Variants in FGFR3 observed in about 807,000 individuals in gnomAD.
FGFR3 encodes FGFR-3.
In FGFR3, 25 loss-of-function variants were observed where a neutral mutation model predicts 82.9. The ratio of observed to expected loss-of-function variants is 0.30; its 90% CI spans 0.22 to 0.42. FGFR3 has a LOEUF of 0.42. Among genes scored for constraint, FGFR3 ranks in the 10% least tolerant of loss-of-function variants. The probability of loss-of-function intolerance (pLI) is 1.00; values close to 1 mark genes in which losing one functional copy is unlikely to be tolerated. For missense variants in FGFR3, 1,026 were observed against 1,161.0 expected (o/e 0.88, Z 1.69); for synonymous variants, 620 against 516.0 (o/e 1.20, Z -2.73).
chr4:1,803,665 G>A (rs368707194), intron 7 of FGFR3, 27 bp from the exon 8 acceptor site: 55 of 1,610,634 alleles, frequency 3.4e-5, no homozygotes, highest in African/African-American at 6.7e-5. Context: ...GCTGGCGCTC[G>A]CCTATCGCTC....
Position 1,799,774 on chromosome 4 carries a change from A to T in FGFR3, c.407A>T (p.Asp136Val). 1 of 1,612,984 alleles carries T rather than the reference A, an allele frequency of 6.2e-7. No individual in the cohort carries two copies. Among genetic ancestry groups the T allele is most frequent in the Middle Eastern group, 1.6e-4 (1 of 6,062 alleles). The stretch of plus-strand genomic sequence containing the variant: ...GCTCCATCCTCGGGAGATGACGAAG[A>T]CGGGGAGGACGAGGCTGAGGACACA... ...TDAPSSGDDE[D>V]GEDEAEDTGV... The change falls in exon 4 of 18, where the codon GAC (aspartate) becomes GTC (valine). Residue 136 changes from aspartate (D) to valine (V), a missense_variant. Asp to Val is a radical substitution (Grantham distance 152). Coordinates refer to ENST00000440486, the MANE Select transcript of FGFR3 (RefSeq NM_000142.5).
intron 2 of FGFR3, among the ~76,000 whole-genome samples, chr4:1,795,084 C>T (rs1033588777): frequency 6.6e-6 from 1 of 151,724 alleles, no homozygotes. Context: ...CCCCTTTCTC[C>T]GTCGGCGGCT....
intron 2 of FGFR3, among the ~76,000 whole-genome samples, chr4:1,798,228 C>T (rs1286294229): frequency 1.3e-5 from 2 of 152,030 alleles, no homozygotes; most frequent in South Asian, 2.1e-4. Flanking sequence ...GCCCCCACCC[C>T]AGCTTCTCAG....
chr4:1,806,015 G>A (rs1721866678), intron 13 of FGFR3, 36 bp from the exon 14 acceptor site: 3 of 1,612,696 alleles, frequency 1.9e-6, no homozygotes, highest in Non-Finnish European at 2.5e-6. Context: ...GGGAGAGGTG[G>A]AGAGGCTTCA....
At chr4:1,798,328 T>G (rs1408834998) in intron 2 of FGFR3, among the ~76,000 whole-genome samples, 2 of 151,480 alleles carry the variant, frequency 1.3e-5, no homozygotes. Context: ...GGGGCCCCAG[T>G]CCCCCTGCAG....
In FGFR3 at chr4:1,806,402, C is replaced by T. The variant is rs1721923531; in HGVS notation, c.2030+75C>T. ...CAGAGCCAGGACCCCAGCTGCAGTC[C>T]CCAGGCCTGTGCCCTGGAGCTCCTG... On this transcript the variant is annotated intron_variant, in intron 15 of 17. Transcript: ENST00000440486. 11 of 1,600,378 alleles carry T rather than the reference C, an allele frequency of 6.9e-6. No individual in the cohort carries two copies. The East Asian group carries it at 8.9e-5, about 13-fold the overall frequency.
At chr4:1,802,132 C>T (rs1721272494) in intron 7 of FGFR3, 107 bp downstream of exon 7, 1 of 1,239,048 alleles carries the variant, frequency 8.1e-7, no homozygotes, top group Non-Finnish European at 1.1e-6. Flanking sequence ...GGGGTTGGAG[C>T]TTCGGGGGCA....
chr4:1,802,896 G>A (rs778937929), intron 7 of FGFR3: 2 of 1,578,470 alleles, frequency 1.3e-6, no homozygotes, highest in Non-Finnish European at 1.7e-6. Flanking sequence ...GCCTGAGCCG[G>A]GTCTCTTGTC....
chr4:1,803,120 CCG>C, intron 7 of FGFR3: 1 of 1,470,958 alleles, frequency 6.8e-7, no homozygotes. Context: ...AAGGCCCTGG[CCG>C]CGCGCCCTGC....
At chr4:1,806,719 G>A (rs756308807) in intron 16 of FGFR3, 36 bp downstream of exon 16, 2 of 1,610,028 alleles carry the variant, frequency 1.2e-6, no homozygotes, top group Non-Finnish European at 1.7e-6. Context: ...TGGGTCCTCA[G>A]GGGTGGGGGT....
chr4:1,800,551 A>T (rs3135872), intron 4 of FGFR3, among the ~76,000 whole-genome samples: 2 of 151,564 alleles, frequency 1.3e-5, no homozygotes, highest in South Asian at 4.2e-4. Flanking sequence ...GGGGGAACTC[A>T]CCCTGGGGGT....
In FGFR3 at chr4:1,799,755, T is replaced by A; in HGVS notation, c.388T>A (p.Ser130Thr). 1 of 1,612,954 alleles carries A rather than the reference T, an allele frequency of 6.2e-7. No individual in the cohort carries two copies. Among genetic ancestry groups the A allele is most frequent in the Non-Finnish European group, 8.5e-7 (1 of 1,179,932 alleles). The change falls in exon 4 of 18, where the codon TCC becomes ACC. Residue 130 changes from serine to threonine, a missense_variant. By Grantham distance (58) the Ser-to-Thr change is moderately conservative (BLOSUM62 1). Transcript: ENST00000440486. ...CCATCTCTGCCTTGCAGACGCTCCA[T>A]CCTCGGGAGATGACGAAGACGGGGA... ...HFSVRVTDAPSSGDDEDGEDE... is the reference protein window; with the variant it reads ...HFSVRVTDAPTSGDDEDGEDE...
Position 1,807,772 on chromosome 4 carries a change from C to G in FGFR3, c.*510C>G. On this transcript the variant is annotated 3_prime_UTR_variant, in exon 18 of 18. Transcript: ENST00000440486. ...TCCCCACCTCCAGGCTTTCCCACTT[C>G]CCACCCTGCCCCTCAGAGACTGAAA... 1.8e-6 allele frequency: 1 copy of G among 547,844 alleles called. No homozygotes were observed. Among genetic ancestry groups the G allele is most frequent in the Middle Eastern group, 3.1e-4 (1 of 3,222 alleles). The allele number at this position is 547,844 out of a possible 1,614,324, so 33.9% of individuals were successfully genotyped here.
rs772623020 is a variant in FGFR3, at chr4:1,806,931, C to T, written c.2271C>T (p.Thr757=). The T allele has an allele frequency of 3.3e-5, 53 of 1,603,288 alleles. No individual in the cohort carries two copies. The highest frequency in any genetic ancestry group is 1.6e-4 in the Middle Eastern group (1 of 6,070). Residue 757 remains threonine, a synonymous_variant, in exon 17 of 18, where the codon ACC becomes ACT. Transcript: ENST00000440486. ...DLDRVLTVTS[T]DEYLDLSAPF... is the part of the protein sequence containing the mutation. The stretch of plus-strand genomic sequence containing the variant: ...ACCGTGTCCTTACCGTGACGTCCAC[C>T]GACGTGAGTGCTGGCTCTGGCCTGG...
chr4:1,802,886 G>A (rs1721369962), intron 7 of FGFR3: 1 of 1,570,526 alleles, frequency 6.4e-7, no homozygotes, highest in Non-Finnish European at 8.6e-7. Flanking sequence ...TCGGGGGCGT[G>A]CCTGAGCCGG....
rs1351116736 is a variant in FGFR3 at position 1,805,373 on chromosome 4, C to T, written c.1431C>T (p.Pro477=). Residue 477 remains proline, a synonymous_variant, in exon 11 of 18, where the codon CCC becomes CCT. Coordinates refer to ENST00000440486, the MANE Select transcript of FGFR3 (RefSeq NM_000142.5). ...LSRARLTLGK[P]LGEGCFGQVV... is the part of the protein sequence containing the mutation. ...CTGCCAGGCTGACCCTGGGCAAGCCCCTTGGGGAGGGCTGCTTCGGCCAGG... is the reference window on the plus strand; with the variant it reads ...CTGCCAGGCTGACCCTGGGCAAGCCTCTTGGGGAGGGCTGCTTCGGCCAGG... 6.2e-6 allele frequency: 10 copies of T among 1,612,164 alleles called. No individual in the cohort carries two copies. Among genetic ancestry groups the T allele is most frequent in the Non-Finnish European group, 8.5e-6 (10 of 1,179,866 alleles).
At position 1,805,574 on chromosome 4, in the gene FGFR3, A is replaced by G. The variant is rs139707740; in HGVS notation, c.1550A>G (p.Lys517Arg). The change falls in exon 12 of 18, where the codon AAG becomes AGG. Residue 517 changes from lysine to arginine, a missense_variant. By Grantham distance (26) the Lys-to-Arg change is conservative. Coordinates refer to ENST00000440486, the MANE Select transcript of FGFR3 (RefSeq NM_000142.5). ...CCGTGCACAGACGATGCCACTGACAAGGACCTGTCGGACCTGGTGTCTGAG... is the reference window on the plus strand; with the variant it reads ...CCGTGCACAGACGATGCCACTGACAGGGACCTGTCGGACCTGGTGTCTGAG... ...VKMLKDDATD[K>R]DLSDLVSEME... is the part of the protein sequence containing the mutation. The G allele has an allele frequency of 5.7e-5, 92 of 1,613,114 alleles. No homozygotes were observed. The African/African-American group carries it at 7.2e-4, about 13-fold the overall frequency.
chr4:1,801,753 C>T lies in FGFR3; in HGVS notation c.739+10C>T, dbSNP rs1318948917. The stretch of plus-strand genomic sequence containing the variant: ...ACGCTGGACGTGCTGGGTGAGGGCC[C>T]TGGGGCGGCGCGGGGGTGGGGGCGG... On this transcript the variant is annotated intron_variant, in intron 6 of 17. Transcript: ENST00000440486. 6.3e-7 allele frequency: 1 copy of T among 1,591,978 alleles called. No individual in the cohort carries two copies. The highest frequency in any genetic ancestry group is 8.5e-7 in the Non-Finnish European group (1 of 1,170,644).
rs1381742963 is a variant in FGFR3 at position 1,807,273 on chromosome 4, G to A, written c.*11G>A. 6.3e-7 allele frequency: 1 copy of A among 1,589,776 alleles called. No individual in the cohort carries two copies. The highest frequency in any genetic ancestry group is 8.5e-7 in the Non-Finnish European group (1 of 1,170,894). On this transcript the variant is annotated 3_prime_UTR_variant, in exon 18 of 18. Coordinates refer to ENST00000440486, the MANE Select transcript of FGFR3 (RefSeq NM_000142.5). ...GGCTCGCGGACGTGAAGGGCCACTG[G>A]TCCCCAACAATGTGAGGGGTCCCTA...
Sources: allele counts gnomAD v4.1 joint callset (sites outside exome capture counted in the v4.1 genomes callset), GRCh38; gene constraint gnomAD v4.1.1; transcripts MANE v1.5; gene names NCBI Gene and HGNC (gene_info 2026-07-23, HGNC 2026-07-21).